The following ARID2 variants were observed in gnomAD, a reference collection of about 807,000 sequenced individuals.
ARID2 encodes AT-rich interaction domain 2, also known as AT-rich interactive domain-containing protein 2.
Under a neutral mutation model 184.6 loss-of-function variants are expected in ARID2, and 32 were observed. The observed-to-expected ratio is 0.17, with a 90% CI of 0.13 to 0.23. The LOEUF is 0.23. ARID2 is among the 10% of genes least tolerant of loss of function. The pLI, the probability that ARID2 is intolerant of heterozygous loss-of-function variation, is 1.00. For synonymous variants in ARID2, 836 were observed against 772.6 expected, an observed-to-expected ratio of 1.08 and a Z score of -1.36; for missense variants, 1,696 against 2,197.6, an observed-to-expected ratio of 0.77 and a Z score of 4.56.
At chr12:45,788,290 TC>T (rs1342914663) in intron 3 of ARID2, among the ~76,000 whole-genome samples, 3 of 152,150 alleles carry the variant, frequency 2.0e-5, no homozygotes, top group African/African-American at 7.2e-5. Context: ...CAGTACACAG[TC>T]TTCTTTACAA....
intron 3 of ARID2, among the ~76,000 whole-genome samples, chr12:45,806,085 G>A (rs1198229020): frequency 2.0e-5 from 3 of 152,114 alleles, no homozygotes; most frequent in Non-Finnish European, 2.9e-5. Context: ...TCTTAGGTGA[G>A]AAACATAATT....
At chr12:45,823,592 GA>G (rs1175316522) in intron 6 of ARID2, among the ~76,000 whole-genome samples, 1 of 151,956 alleles carries the variant, frequency 6.6e-6, no homozygotes, top group African/African-American at 2.4e-5. Context: ...AATAAAGTCA[GA>G]AACATAAAAG....
At chr12:45,768,599 T>C (rs1285619493) in intron 3 of ARID2, among the ~76,000 whole-genome samples, 2 of 152,070 alleles carry the variant, frequency 1.3e-5, no homozygotes, top group East Asian at 1.9e-4. Context: ...CCTAAGAGTA[T>C]TCAAAAACAG....
In ARID2 at chr12:45,729,868, A is replaced by G. The variant is rs781611431; in HGVS notation, c.32A>G (p.Asp11Gly). Residue 11 changes from aspartate to glycine, a missense_variant, in exon 1 of 21, where the codon GAC (aspartate) becomes GGC (glycine). By Grantham distance (94) the Asp-to-Gly change is moderately conservative (BLOSUM62 -1). Coordinates refer to ENST00000334344, the MANE Select transcript of ARID2 (RefSeq NM_152641.4). Reference sequence around the variant, plus strand: ...AACTCGACGGGGAAGGCGCCTCCGGACGAGCGGAGAAAGGGACTCGCTTTC... The same window carrying G: ...AACTCGACGGGGAAGGCGCCTCCGGGCGAGCGGAGAAAGGGACTCGCTTTC... MANSTGKAPPDERRKGLAFLD... is the reference protein window; with the variant it reads MANSTGKAPPGERRKGLAFLD... 7 of 1,611,476 alleles carry G rather than the reference A, an allele frequency of 4.3e-6. No individual in the cohort carries two copies. Among genetic ancestry groups the G allele is most frequent in the Non-Finnish European group, 5.9e-6 (7 of 1,179,176 alleles).
At chr12:45,761,852 A>T (rs1256785763) in intron 3 of ARID2, among the ~76,000 whole-genome samples, 1 of 152,082 alleles carries the variant, frequency 6.6e-6, no homozygotes, top group Non-Finnish European at 1.5e-5. Flanking sequence ...AGATATTTAC[A>T]CTAATACTAC....
chr12:45,738,662 T>C (rs1286282590), intron 3 of ARID2, among the ~76,000 whole-genome samples: 1 of 152,142 alleles, frequency 6.6e-6, no homozygotes, highest in East Asian at 1.9e-4. Context: ...ATTGTGTTAT[T>C]TAATCTTAGA....
At chr12:45,835,664 G>A (rs1943206838) in intron 6 of ARID2, among the ~76,000 whole-genome samples, 1 of 152,162 alleles carries the variant, frequency 6.6e-6, no homozygotes, top group Non-Finnish European at 1.5e-5. Flanking sequence ...CACTTTGGGA[G>A]GCAGAGGCAG....
chr12:45,757,357 A>C (rs1029796383), intron 3 of ARID2, among the ~76,000 whole-genome samples: 3 of 152,166 alleles, frequency 2.0e-5, no homozygotes, highest in Non-Finnish European at 4.4e-5. Flanking sequence ...TTGAGCACAT[A>C]TTGTCCCATC....
At chr12:45,738,779 C>CTTTTTTTTTTTTTT (rs11333868) in intron 3 of ARID2, among the ~76,000 whole-genome samples, 3 of 62,296 alleles carry the variant, frequency 4.8e-5, no homozygotes, top group African/African-American at 8.5e-5. Context: ...ATATGGGCTA[C>CTTTTTTTTTTTTTT]TTTTTTTTTT....
chr12:45,792,181 C>T (rs1460684692), intron 3 of ARID2, among the ~76,000 whole-genome samples: 1 of 152,100 alleles, frequency 6.6e-6, no homozygotes, highest in African/African-American at 2.4e-5. Flanking sequence ...GTTTTTGGGA[C>T]TGTACATTTC....
intron 16 of ARID2, among the ~76,000 whole-genome samples, chr12:45,879,584 C>T (rs1361427584): frequency 6.6e-6 from 1 of 152,182 alleles, no homozygotes; most frequent in East Asian, 1.9e-4. Flanking sequence ...TCAAGGGTCT[C>T]TCCAGCTTTC....
chr12:45,765,283 T>C (rs934365160), intron 3 of ARID2, among the ~76,000 whole-genome samples: 9 of 152,092 alleles, frequency 5.9e-5, no homozygotes, highest in African/African-American at 1.9e-4. Context: ...TCTTGGCTCA[T>C]TGCAGCCTCG....
intron 3 of ARID2, among the ~76,000 whole-genome samples, chr12:45,778,701 C>T (rs931129330): frequency 2.4e-4 from 36 of 151,788 alleles, no homozygotes; most frequent in East Asian, 9.7e-4. Context: ...AAATAAATGA[C>T]GGTTCATTTA....
chr12:45,838,868 G>GT (rs537586640), intron 10 of ARID2, among the ~76,000 whole-genome samples: 16,892 of 135,488 alleles, frequency 0.12, 2,091 homozygotes, highest in African/African-American at 0.32. Context: ...AAAATGTTTT[G>GT]TTTTTTTTTT....
chr12:45,878,731 A>G (rs2138214321), intron 16 of ARID2, among the ~76,000 whole-genome samples: 1 of 152,090 alleles, frequency 6.6e-6, no homozygotes, highest in Non-Finnish European at 1.5e-5. Flanking sequence ...TCTGGTTCTA[A>G]TGTTAGCTTT....
chr12:45,744,365 T>C (rs996963347), intron 3 of ARID2, among the ~76,000 whole-genome samples: 1 of 152,212 alleles, frequency 6.6e-6, no homozygotes, highest in Admixed American at 6.5e-5. Flanking sequence ...TTTTTTGTGT[T>C]ATCTACTACA....
intron 6 of ARID2, among the ~76,000 whole-genome samples, chr12:45,833,299 T>A (rs142679462): frequency 2.6e-5 from 4 of 152,292 alleles, no homozygotes; most frequent in Admixed American, 2.6e-4. Flanking sequence ...AACATCTGTA[T>A]TACATTTTCC....
In ARID2 at chr12:45,893,738, C is replaced by T. The variant is rs774889339; in HGVS notation, c.5363+17C>T. 6.6e-7 allele frequency: 1 copy of T among 1,516,388 alleles called. No homozygotes were observed. Among genetic ancestry groups the T allele is most frequent in the African/African-American group, 1.4e-5 (1 of 71,094 alleles). 93.9% of individuals were successfully genotyped at this position (1,516,388 alleles called of 1,614,324 possible). A position where few individuals can be genotyped will look rare whatever the true frequency, so the allele number is the denominator to read the frequency against. On this transcript the variant is annotated intron_variant, in intron 20 of 20. Transcript: ENST00000334344. ...TGGTCGCAGGTGAGTAATATGTTTT[C>T]TGTAGCCAAAGTGAATTTAGTTTAT...
intron 16 of ARID2, among the ~76,000 whole-genome samples, chr12:45,880,283 G>A (rs1360211702): frequency 1.3e-5 from 2 of 152,148 alleles, no homozygotes; most frequent in African/African-American, 4.8e-5. Context: ...GAATATAGAG[G>A]ATCTCAAATA....
Sources: allele counts gnomAD v4.1 joint callset (sites outside exome capture counted in the v4.1 genomes callset), GRCh38; gene constraint gnomAD v4.1.1; transcripts MANE v1.5; gene names NCBI Gene and HGNC (gene_info 2026-07-23, HGNC 2026-07-21).